Variants in AMMECR1 observed in about 807,000 individuals in gnomAD.
AMMECR1 encodes nuclear protein AMMECR1.
A neutral mutation model predicts 22.5 loss-of-function variants in AMMECR1; 3 were observed. The ratio of observed to expected loss-of-function variants is 0.13; its 90% CI spans 0.06 to 0.35. The LOEUF (loss-of-function observed/expected upper bound fraction) is 0.35, where lower values mean the gene tolerates loss of function less well. AMMECR1 is among the 10% of genes least tolerant of loss of function. The pLI is 1.00. For missense variants in AMMECR1, 235 were observed against 278.7 expected, an observed-to-expected ratio of 0.84 and a Z score of 1.12; for synonymous variants, 130 against 116.7, an observed-to-expected ratio of 1.11 and a Z score of -0.74.
intron 1 of AMMECR1, among the ~76,000 whole-genome samples, chrX:110,437,407 G>A (rs1212643709): frequency 8.9e-6 from 1 of 112,214 alleles, no homozygotes; most frequent in Non-Finnish European, 1.9e-5. Context: ...TTATATGATA[G>A]CTCCTATTAC....
At chrX:110,274,917 C>T (rs1398862164) in intron 1 of AMMECR1, among the ~76,000 whole-genome samples, 1 of 111,612 alleles carries the variant, frequency 9.0e-6, no homozygotes, top group Non-Finnish European at 1.9e-5. Flanking sequence ...GCATCTTTAT[C>T]TTATTGCAAC....
At chrX:110,262,641 T>C (rs2067747810) in intron 2 of AMMECR1, among the ~76,000 whole-genome samples, 1 of 112,420 alleles carries the variant, frequency 8.9e-6, no homozygotes, top group Admixed American at 9.4e-5. Flanking sequence ...TTTATTTTTT[T>C]CTTTAAACAA....
intron 2 of AMMECR1, among the ~76,000 whole-genome samples, chrX:110,387,297 A>C (rs1293314271): frequency 8.9e-6 from 1 of 112,445 alleles, no homozygotes; most frequent in Non-Finnish European, 1.9e-5. Flanking sequence ...CAAAGTTAAC[A>C]AGCCACATCT....
chrX:110,392,631 C>T (rs2068502636), intron 2 of AMMECR1, among the ~76,000 whole-genome samples: 1 of 111,106 alleles, frequency 9.0e-6, no homozygotes, highest in African/African-American at 3.3e-5. Context: ...AATCCATTTA[C>T]AAGGGCTCAC....
intron 2 of AMMECR1, among the ~76,000 whole-genome samples, chrX:110,424,074 T>C (rs1403717026): frequency 1.8e-5 from 2 of 111,766 alleles, no homozygotes; most frequent in Non-Finnish European, 3.8e-5. Flanking sequence ...CACAAAGCTA[T>C]GAGGTAGGTA....
rs777963039 is a variant in AMMECR1, at chrX:110,202,465, C to T, written c.771G>A (p.Pro257=). 1.5e-5 allele frequency: 18 copies of T among 1,205,690 alleles called. No individual in the cohort carries two copies. Among genetic ancestry groups the T allele is most frequent in the East Asian group, 5.9e-5 (2 of 33,739 alleles). ...KGSKRTATYL[P]EVAKEQGWDH... ...AATGACCTTGCTCCTTTGCAACCTC[C>T]GGTAGGTAGGTGGCGGTGCGTTTTG... The change falls in exon 4 of 6, where the codon CCG becomes CCA. Residue 257 remains proline (P), a synonymous_variant. Transcript: ENST00000262844.
At position 110,340,586 on chromosome X, in the gene AMMECR1, C is replaced by A. The variant is rs925711403; in HGVS notation, c.-147-22737G>T. Among the ~76,000 whole-genome samples, 3 of 111,744 alleles carry A rather than the reference C, an allele frequency of 2.7e-5. No homozygotes were observed. The Admixed American group carries it at 2.8e-4, about 11-fold the overall frequency. On this transcript the variant is annotated intron_variant, in intron 2 of 7. Transcript: ENST00000372057. ...TAATAGTTACTAGTGTGACCATGAA[C>A]AAATCATATAACCTCTCTGAGTTAC...
intron 2 of AMMECR1, among the ~76,000 whole-genome samples, chrX:110,388,491 G>A (rs1392337335): frequency 1.8e-5 from 2 of 111,816 alleles, no homozygotes; most frequent in Non-Finnish European, 3.8e-5. Context: ...TAGGCACATG[G>A]CGCTAGGATG....
chrX:110,197,581 C>G lies in AMMECR1; in HGVS notation c.*939G>C, dbSNP rs2067376918. ...CACATATAGAAACAATAAAGTTTTA[C>G]AAGAATATTTTTCTAAATTGCCTTT... On this transcript the variant is annotated 3_prime_UTR_variant, in exon 6 of 6. Coordinates refer to ENST00000262844, the MANE Select transcript of AMMECR1 (RefSeq NM_015365.3). 8.9e-6 allele frequency: 1 copy of G among 111,789 alleles called. No individual in the cohort carries two copies. The highest frequency in any genetic ancestry group is 2.8e-4 in the East Asian group (1 of 3,560). 9.2% of individuals were successfully genotyped at this position (111,789 alleles called of 1,213,427 possible). A position where few individuals can be genotyped will look rare whatever the true frequency, so the allele number is the denominator to read the frequency against.
chrX:110,306,195 T>C, intron 1 of AMMECR1, among the ~76,000 whole-genome samples: 1 of 103,531 alleles, frequency 9.7e-6, no homozygotes, highest in East Asian at 3.1e-4. Flanking sequence ...CTCGGGAGGC[T>C]GAGGCAGGAG....
At chrX:110,206,166 T>C (rs1382555251) in intron 3 of AMMECR1, among the ~76,000 whole-genome samples, 2 of 112,062 alleles carry the variant, frequency 1.8e-5, no homozygotes, top group African/African-American at 6.5e-5. Flanking sequence ...TTCACTCCTC[T>C]ATCAGATAGC....
intron 3 of AMMECR1, among the ~76,000 whole-genome samples, chrX:110,203,218 A>C (rs1480472491): frequency 8.9e-6 from 1 of 112,139 alleles, no homozygotes; most frequent in Admixed American, 9.5e-5. Flanking sequence ...ATTTCAAATC[A>C]CTTCACTGTA....
At chrX:110,275,541 T>C (rs1295279217) in intron 1 of AMMECR1, among the ~76,000 whole-genome samples, 1 of 111,380 alleles carries the variant, frequency 9.0e-6, no homozygotes, top group African/African-American at 3.3e-5. Flanking sequence ...TTAATTATAA[T>C]TGCTTTAGGC....
chrX:110,394,092 G>A (rs1449812858), intron 2 of AMMECR1, among the ~76,000 whole-genome samples: 1 of 112,189 alleles, frequency 8.9e-6, no homozygotes, highest in African/African-American at 3.2e-5. Flanking sequence ...TGCTACAACC[G>A]CTGTCACTCA....
intron 2 of AMMECR1, among the ~76,000 whole-genome samples, chrX:110,386,353 T>A (rs186859567): frequency 4.3e-4 from 47 of 109,971 alleles, no homozygotes; most frequent in African/African-American, 1.5e-3. Context: ...TTATTTTATT[T>A]TTTATTTATT....
intron 2 of AMMECR1, among the ~76,000 whole-genome samples, chrX:110,334,709 A>T (rs1265179126): frequency 8.9e-6 from 1 of 112,216 alleles, no homozygotes; most frequent in African/African-American, 3.2e-5. Context: ...TTCCATTATG[A>T]ACTACATCTT....
upstream of AMMECR1, chrX:110,318,180 C>CG (rs2068062827): frequency 1.5e-6 from 1 of 686,885 alleles, no homozygotes; most frequent in African/African-American, 2.4e-5. Flanking sequence ...CAGAGGCTGG[C>CG]GGGGCGCGCG....
At chrX:110,323,323 T>C (rs1305789503) in intron 2 of AMMECR1, among the ~76,000 whole-genome samples, 1 of 111,965 alleles carries the variant, frequency 8.9e-6, no homozygotes, top group South Asian at 3.8e-4. Flanking sequence ...CATGCAGTTA[T>C]GCAACCTTCA....
At chrX:110,394,013 G>A in intron 2 of AMMECR1, among the ~76,000 whole-genome samples, 1 of 112,676 alleles carries the variant, frequency 8.9e-6, no homozygotes, top group East Asian at 2.8e-4. Flanking sequence ...TTCTGGAACT[G>A]CTGGGTGGCA....
Sources: allele counts gnomAD v4.1 joint callset (sites outside exome capture counted in the v4.1 genomes callset), GRCh38; gene constraint gnomAD v4.1.1; transcripts MANE v1.5; gene names NCBI Gene and HGNC (gene_info 2026-07-23, HGNC 2026-07-21).